The following EVC2 variants were observed in gnomAD, a reference collection of about 807,000 sequenced individuals.
The protein encoded by EVC2 is EvC ciliary complex subunit 2.
Under a neutral mutation model 149.3 loss-of-function variants are expected in EVC2, and 148 were observed. That is an observed-to-expected ratio of 0.99 (90% CI 0.87 to 1.14). The LOEUF is 1.14. Among genes scored for constraint, EVC2 ranks in the 50% most tolerant of loss-of-function variants. The probability of loss-of-function intolerance (pLI) is 0.00; values close to 1 mark genes in which losing one functional copy is unlikely to be tolerated. For synonymous variants in EVC2, 776 were observed against 649.9 expected (o/e 1.19, Z -2.95); for missense variants, 1,854 against 1,627.3 (o/e 1.14, Z -2.40).
intron 16 of EVC2, among the ~76,000 whole-genome samples, chr4:5,598,586 T>A: frequency 6.6e-6 from 1 of 152,286 alleles, no homozygotes; most frequent in South Asian, 2.1e-4. Context: ...GATTAAAGAC[T>A]TAAACGTTAG....
intron 16 of EVC2, among the ~76,000 whole-genome samples, chr4:5,593,088 A>G (rs1031544118): frequency 2.0e-5 from 3 of 152,014 alleles, no homozygotes; most frequent in Non-Finnish European, 4.4e-5. Context: ...TTTGCTTCCC[A>G]CTTCTGCCAT....
intron 4 of EVC2, among the ~76,000 whole-genome samples, chr4:5,690,097 G>C (rs961175471): frequency 1.3e-4 from 20 of 152,258 alleles, no homozygotes; most frequent in Admixed American, 3.9e-4. Context: ...GTGAAAAAAA[G>C]TGGGGGAGAA....
intron 21 of EVC2, 126 bp downstream of exon 21, chr4:5,565,132 A>G: frequency 1.2e-6 from 1 of 865,266 alleles, no homozygotes; most frequent in Non-Finnish European, 1.9e-6. Context: ...TGTGGTCTTC[A>G]GGGTCACAAA....
At chr4:5,643,341 A>T (rs1438517620) in intron 9 of EVC2, among the ~76,000 whole-genome samples, 1 of 152,130 alleles carries the variant, frequency 6.6e-6, no homozygotes, top group Non-Finnish European at 1.5e-5. Flanking sequence ...ATAAAAATAG[A>T]CCTGGTTAAA....
At chr4:5,592,707 T>A (rs529340879) in intron 16 of EVC2, among the ~76,000 whole-genome samples, 5 of 152,190 alleles carry the variant, frequency 3.3e-5, no homozygotes, top group Non-Finnish European at 7.4e-5. Flanking sequence ...GTATATCATC[T>A]TCTAGGAACA....
chr4:5,634,360 A>G (rs1296102603), intron 10 of EVC2, among the ~76,000 whole-genome samples: 1 of 152,202 alleles, frequency 6.6e-6, no homozygotes, highest in Non-Finnish European at 1.5e-5. Flanking sequence ...TCCGCTACGA[A>G]TGACTAGCTG....
At chr4:5,702,523 G>A (rs1237860028) in intron 1 of EVC2, among the ~76,000 whole-genome samples, 1 of 152,204 alleles carries the variant, frequency 6.6e-6, no homozygotes, top group Non-Finnish European at 1.5e-5. Context: ...TCAACTTCCA[G>A]TAGAATGGTC....
chr4:5,607,033 T>C (rs779682516), intron 16 of EVC2, among the ~76,000 whole-genome samples: 7 of 152,212 alleles, frequency 4.6e-5, no homozygotes, highest in Admixed American at 6.5e-5. Context: ...TATGCCAGCA[T>C]TGAATAATCT....
In EVC2 at chr4:5,628,591, G is replaced by C. The variant is rs139729159; in HGVS notation, c.1854C>G (p.Ala618=). ...GCTTCTGAATGAGGTGAGTCAGCTG[G>C]GCTGCAGCGGTGCTCAGAAGGCCCT... ...RVQGLLSTAA[A]QLTHLIQKHE... is the part of the protein sequence containing the mutation. The change falls in exon 12 of 22, where the codon GCC becomes GCG. Residue 618 remains alanine (A), a synonymous_variant. Coordinates refer to ENST00000344408, the MANE Select transcript of EVC2 (RefSeq NM_147127.5). 136 of 1,613,780 alleles carry C rather than the reference G, an allele frequency of 8.4e-5. No individual in the cohort carries two copies. Among genetic ancestry groups the C allele is most frequent in the Admixed American group, 3.8e-4 (23 of 59,968 alleles).
At chr4:5,608,431 T>C (rs1714566224) in intron 16 of EVC2, among the ~76,000 whole-genome samples, 1 of 152,238 alleles carries the variant, frequency 6.6e-6, no homozygotes, top group African/African-American at 2.4e-5. Context: ...GTTAATTTTA[T>C]GTGTCACTGA....
chr4:5,568,686 C>T (rs751861506), intron 19 of EVC2, 46 bp from the exon 20 acceptor site: 22 of 1,561,424 alleles, frequency 1.4e-5, no homozygotes, highest in Non-Finnish European at 1.9e-5. Flanking sequence ...CGCCTCTCAA[C>T]TTGAACCATC....
chr4:5,650,671 A>AGAGAGAGAGAGAGAGAGAGAGCGC (rs35334619), intron 9 of EVC2, among the ~76,000 whole-genome samples: 1 of 102,414 alleles, frequency 9.8e-6, no homozygotes, highest in Non-Finnish European at 1.9e-5. Context: ...AGAGAGAGAG[A>AGAGAGAGAGAGAGAGAGAGAGCGC]GCCATTTAAT....
chr4:5,592,418 T>A (rs1274444051), intron 16 of EVC2, among the ~76,000 whole-genome samples: 1 of 151,626 alleles, frequency 6.6e-6, no homozygotes, highest in Non-Finnish European at 1.5e-5. Flanking sequence ...TTGAGAGAGG[T>A]CTTATTGTTA....
At chr4:5,615,605 C>G in intron 15 of EVC2, 61 bp from the exon 16 acceptor site, 1 of 1,612,554 alleles carries the variant, frequency 6.2e-7, no homozygotes, top group Non-Finnish European at 8.5e-7. Flanking sequence ...CCATGCAGCT[C>G]CCCCGAGGGC....
intron 16 of EVC2, among the ~76,000 whole-genome samples, chr4:5,592,640 G>A (rs1334307428): frequency 6.6e-6 from 1 of 152,222 alleles, no homozygotes; most frequent in Non-Finnish European, 1.5e-5. Flanking sequence ...GAACTCAGGA[G>A]TTGGGCAAGT....
At chr4:5,697,513 G>T in intron 2 of EVC2, 80 bp downstream of exon 2, 1 of 1,373,424 alleles carries the variant, frequency 7.3e-7, no homozygotes, top group Non-Finnish European at 1.0e-6. Context: ...AGAGAGTGAG[G>T]GAGCTGGAGG....
In EVC2 at chr4:5,565,502, C is replaced by A. The variant is rs1722221944; in HGVS notation, c.3558-143G>T. On this transcript the variant is annotated intron_variant, in intron 20 of 21. Coordinates refer to ENST00000344408, the MANE Select transcript of EVC2 (RefSeq NM_147127.5). Reference sequence around the variant, plus strand: ...CCTGGCCAACATGGTGAAACCCAGTCTCTACTAAAAAATACAAAAATTAGC... The same window carrying A: ...CCTGGCCAACATGGTGAAACCCAGTATCTACTAAAAAATACAAAAATTAGC... 10 of 699,906 alleles carry A rather than the reference C, an allele frequency of 1.4e-5. No homozygotes were observed. The South Asian group carries it at 1.5e-4, about 10-fold the overall frequency. 43.4% of individuals were successfully genotyped at this position (699,906 alleles called of 1,614,324 possible).
chr4:5,588,365 A>G (rs10002881), intron 16 of EVC2, among the ~76,000 whole-genome samples: 73,446 of 151,904 alleles, frequency 0.48, 18,413 homozygotes, highest in African/African-American at 0.57. Flanking sequence ...GATGCACCTT[A>G]GAAAAATTTT....
At chr4:5,579,233 G>A (rs1309541992) in intron 17 of EVC2, among the ~76,000 whole-genome samples, 2 of 152,126 alleles carry the variant, frequency 1.3e-5, no homozygotes, top group Non-Finnish European at 1.5e-5. Flanking sequence ...GGGCTTTGGA[G>A]GCAGGTTTAA....
Sources: gnomAD v4.1 joint callset for allele counts (sites outside exome capture counted in the v4.1 genomes callset) on GRCh38, gnomAD v4.1.1 for gene constraint, MANE v1.5 for transcripts, NCBI Gene and HGNC (gene_info 2026-07-23, HGNC 2026-07-21) for gene names.